YWHAE: variants seen among roughly 807,000 people sequenced by gnomAD.
The protein encoded by YWHAE is 14-3-3 protein epsilon.
YWHAE carries 4 observed loss-of-function variants against 30.1 expected under a neutral mutation model. The ratio of observed to expected loss-of-function variants is 0.13; its 90% CI spans 0.07 to 0.30. The LOEUF (loss-of-function observed/expected upper bound fraction) is 0.30, where lower values mean the gene tolerates loss of function less well. YWHAE is among the 10% of genes least tolerant of loss of function. YWHAE has a pLI of 1.00. For missense variants in YWHAE, 121 were observed against 315.9 expected (o/e 0.38, Z 4.68); for synonymous variants, 118 against 111.8 (o/e 1.06, Z -0.35).
intron 1 of YWHAE, among the ~76,000 whole-genome samples, chr17:1,392,376 A>T (rs2073401429): frequency 6.6e-6 from 1 of 152,114 alleles, no homozygotes; most frequent in Non-Finnish European, 1.5e-5. Context: ...ACCTTGTCTC[A>T]AAAAAGTATA....
At chr17:1,360,587 A>C (rs534217380) in intron 4 of YWHAE, among the ~76,000 whole-genome samples, 1 of 151,974 alleles carries the variant, frequency 6.6e-6, no homozygotes, top group African/African-American at 2.4e-5. Flanking sequence ...AATGGTGAAA[A>C]CACCGTCTCT....
intron 1 of YWHAE, 33 bp from the exon 2 acceptor site, chr17:1,365,091 A>G (rs751033669): frequency 1.1e-5 from 17 of 1,595,952 alleles, no homozygotes; most frequent in Non-Finnish European, 1.4e-5. Flanking sequence ...AGACCTTACA[A>G]ATTTGAAGTT....
At chr17:1,382,422 C>A (rs1215392257) in intron 1 of YWHAE, among the ~76,000 whole-genome samples, 23 of 142,952 alleles carry the variant, frequency 1.6e-4, no homozygotes, top group African/African-American at 5.2e-4. Flanking sequence ...CAGCTCACTG[C>A]AAGCTCTACC....
In YWHAE at chr17:1,400,195, G is replaced by C. The variant is rs1260867076; in HGVS notation, c.-85C>G. 3.9e-6 allele frequency: 6 copies of C among 1,550,378 alleles called. No individual in the cohort carries two copies. In the East Asian group the frequency reaches 9.0e-5, roughly 23 times the overall value. ...CTCTCAGCCTCTCGCTCCGCGTCCG[G>C]GCAGCAAAAATGGCGGCGCCTCAAT... On this transcript the variant is annotated 5_prime_UTR_variant, in exon 1 of 6. Coordinates refer to ENST00000264335, the MANE Select transcript of YWHAE (RefSeq NM_006761.5).
intron 1 of YWHAE, chr17:1,399,281 G>A (rs1302069123): frequency 6.6e-6 from 1 of 152,106 alleles, no homozygotes; most frequent in African/African-American, 2.4e-5. Context: ...GGAAAGGGAG[G>A]GAGTGAGGAT....
At chr17:1,359,588 G>A (rs1284262079) in intron 4 of YWHAE, among the ~76,000 whole-genome samples, 1 of 151,752 alleles carries the variant, frequency 6.6e-6, no homozygotes, top group Non-Finnish European at 1.5e-5. Flanking sequence ...AATAAAGACA[G>A]CCACAAAAGG....
At chr17:1,399,195 C>A (rs2073524183) in intron 1 of YWHAE, 1 of 152,128 alleles carries the variant, frequency 6.6e-6, no homozygotes, top group African/African-American at 2.4e-5. Flanking sequence ...CCTCCTGGTT[C>A]TATCCATCAG....
chr17:1,395,732 C>T (rs1009880196), intron 1 of YWHAE, among the ~76,000 whole-genome samples: 2 of 152,124 alleles, frequency 1.3e-5, no homozygotes, highest in African/African-American at 2.4e-5. Context: ...CTAACAAGAC[C>T]GTAGTAAAAA....
At position 1,373,993 on chromosome 17, in the gene YWHAE, A is replaced by T. The variant is rs192319326; in HGVS notation, c.65-8935T>A. ...CTAGTGTAGCATGCATCAGTACTTC[A>T]CCTACTGTATGGATATACTATGCTT... On this transcript the variant is annotated intron_variant, in intron 1 of 5. Transcript: ENST00000264335. Among the ~76,000 whole-genome samples, 140 of 152,112 alleles carry T rather than the reference A, an allele frequency of 9.2e-4. 1 individual carries two copies. The highest frequency in any genetic ancestry group is 1.5e-3 in the Non-Finnish European group (100 of 67,986).
intron 1 of YWHAE, among the ~76,000 whole-genome samples, chr17:1,388,429 T>C (rs891216633): frequency 4.0e-5 from 6 of 151,122 alleles, no homozygotes; most frequent in Non-Finnish European, 7.4e-5. Context: ...GGCAGGAGAA[T>C]GGAGTGAACC....
chr17:1,365,128 T>G (rs758820672), intron 1 of YWHAE, 70 bp from the exon 2 acceptor site: 7 of 1,488,120 alleles, frequency 4.7e-6, no homozygotes, highest in African/African-American at 1.4e-5. Context: ...TTCAAAGTAG[T>G]TTTTTTCTGT....
intron 1 of YWHAE, among the ~76,000 whole-genome samples, chr17:1,381,785 T>G (rs2073211387): frequency 6.6e-6 from 1 of 151,020 alleles, no homozygotes; most frequent in South Asian, 2.1e-4. Flanking sequence ...GGCCTGGTGG[T>G]GCATGCCTGC....
Position 1,400,185 on chromosome 17 carries a change from T to A in YWHAE, c.-75A>T. 2 of 1,577,830 alleles carry A rather than the reference T, an allele frequency of 1.3e-6. No homozygotes were observed. Among genetic ancestry groups the A allele is most frequent in the South Asian group, 2.2e-5 (2 of 90,344 alleles). Reference sequence around the variant, plus strand: ...GTCTCCGACTCTCTCAGCCTCTCGCTCCGCGTCCGGGCAGCAAAAATGGCG... The same window carrying A: ...GTCTCCGACTCTCTCAGCCTCTCGCACCGCGTCCGGGCAGCAAAAATGGCG... On this transcript the variant is annotated 5_prime_UTR_variant, in exon 1 of 6. Coordinates refer to ENST00000264335, the MANE Select transcript of YWHAE (RefSeq NM_006761.5).
At chr17:1,368,360 G>T (rs944055050) in intron 1 of YWHAE, among the ~76,000 whole-genome samples, 1 of 150,946 alleles carries the variant, frequency 6.6e-6, no homozygotes, top group African/African-American at 2.4e-5. Flanking sequence ...TGGGCAACAA[G>T]AGCGAAACTC....
At chr17:1,390,394 C>T (rs757293512) in intron 1 of YWHAE, among the ~76,000 whole-genome samples, 2 of 152,160 alleles carry the variant, frequency 1.3e-5, no homozygotes, top group African/African-American at 4.8e-5. Flanking sequence ...GCCCAGAAGA[C>T]TACACTTGCT....
chr17:1,351,273 G>C (rs1183323698), intron 5 of YWHAE, among the ~76,000 whole-genome samples: 1 of 151,766 alleles, frequency 6.6e-6, no homozygotes, highest in Non-Finnish European at 1.5e-5. Context: ...TAAGGCAGGA[G>C]AATCAGAGGC....
At chr17:1,348,179 A>T (rs1471286651) in intron 5 of YWHAE, among the ~76,000 whole-genome samples, 3 of 152,188 alleles carry the variant, frequency 2.0e-5, no homozygotes, top group African/African-American at 7.2e-5. Context: ...CCTCCCTTCT[A>T]CTCTGAGAAG....
chr17:1,388,137 TTTTTTA>T (rs2073335227), intron 1 of YWHAE, among the ~76,000 whole-genome samples: 7 of 122,592 alleles, frequency 5.7e-5, no homozygotes, highest in South Asian at 2.7e-4. Context: ...TTTTTTTTTT[TTTTTTA>T]GTAGAGACGA....
intron 5 of YWHAE, among the ~76,000 whole-genome samples, chr17:1,349,159 G>A (rs1004032993): frequency 1.2e-4 from 19 of 152,072 alleles, no homozygotes; most frequent in Middle Eastern, 3.2e-3. Context: ...GGGCTAACAC[G>A]GGGAAACCCT....
Sources: allele counts gnomAD v4.1 joint callset (sites outside exome capture counted in the v4.1 genomes callset), GRCh38; gene constraint gnomAD v4.1.1; transcripts MANE v1.5; gene names NCBI Gene and HGNC (gene_info 2026-07-23, HGNC 2026-07-21).